Variants in DGKB observed in about 807,000 individuals in gnomAD.
DGKB encodes the protein diacylglycerol kinase beta.
In DGKB, 67 loss-of-function variants were observed where a neutral mutation model predicts 114.3. That is an observed-to-expected ratio of 0.59 (90% confidence interval 0.48 to 0.72). The LOEUF is 0.72. Ranked by LOEUF, DGKB falls within the 30% of genes least tolerant of loss-of-function variation. The pLI is 0.00. For missense variants in DGKB, 907 were observed against 975.2 expected (o/e 0.93, Z 0.93); for synonymous variants, 398 against 323.1 (o/e 1.23, Z -2.49).
At chr7:14,885,111 C>T (rs527984736) in intron 1 of DGKB, among the ~76,000 whole-genome samples, 1 of 151,916 alleles carries the variant, frequency 6.6e-6, no homozygotes, top group Admixed American at 6.6e-5. Flanking sequence ...TTTTAAGAAA[C>T]ATCTGAGCGA....
chr7:14,309,224 A>G (rs1657267463), intron 23 of DGKB, among the ~76,000 whole-genome samples: 2 of 152,128 alleles, frequency 1.3e-5, no homozygotes, highest in Admixed American at 1.3e-4. Context: ...TCAAAAGAAA[A>G]AAAAAGTAAA....
At chr7:14,959,230 A>G (rs1587459931) in intron 1 of DGKB, among the ~76,000 whole-genome samples, 1 of 152,038 alleles carries the variant, frequency 6.6e-6, no homozygotes, top group South Asian at 2.1e-4. Flanking sequence ...ACATTTATTG[A>G]TAAGTTTATT....
intron 23 of DGKB, among the ~76,000 whole-genome samples, chr7:14,231,165 A>G (rs1207313244): frequency 8.7e-6 from 1 of 114,968 alleles, no homozygotes; most frequent in African/African-American, 3.3e-5. Flanking sequence ...TTCTCTTGGT[A>G]AGGTCTCACT....
At chr7:14,429,449 T>C (rs180804588) in intron 21 of DGKB, among the ~76,000 whole-genome samples, 196 of 152,262 alleles carry the variant, frequency 1.3e-3, no homozygotes, top group Admixed American at 2.1e-3. Context: ...CTGTGAGTAA[T>C]AAATGTTTGT....
chr7:14,701,742 G>A lies in DGKB; in HGVS notation c.467-12C>T, dbSNP rs919567544. On this transcript the variant is annotated splice_polypyrimidine_tract_variant and intron_variant, in intron 6 of 25. Transcript: ENST00000402815. ...AAGGCGAAACATAACTAGAATGAAA[G>A]AGGTGTTGAAAACAAGATTATAGGC... The A allele has an allele frequency of 2.3e-5, 36 of 1,597,436 alleles. No individual in the cohort carries two copies. Among genetic ancestry groups the A allele is most frequent in the Non-Finnish European group, 3.0e-5 (35 of 1,165,352 alleles).
At chr7:14,319,151 G>T (rs191240337) in intron 23 of DGKB, among the ~76,000 whole-genome samples, 2 of 137,658 alleles carry the variant, frequency 1.5e-5, no homozygotes, top group African/African-American at 2.6e-5. Context: ...GTGAGGGGAG[G>T]GGGGAGGGAT....
chr7:14,894,270 C>A (rs1175065476), intron 1 of DGKB, among the ~76,000 whole-genome samples: 1 of 151,348 alleles, frequency 6.6e-6, no homozygotes, highest in Non-Finnish European at 1.5e-5. Flanking sequence ...TACGTATTAG[C>A]ATTCCTCAAA....
intron 2 of DGKB, among the ~76,000 whole-genome samples, chr7:14,826,941 C>G (rs972529944): frequency 1.3e-5 from 2 of 152,064 alleles, no homozygotes; most frequent in African/African-American, 2.4e-5. Context: ...TCTAAAATAG[C>G]CTAGTGAGCC....
At chr7:14,611,022 T>C in intron 16 of DGKB, among the ~76,000 whole-genome samples, 1 of 152,228 alleles carries the variant, frequency 6.6e-6, no homozygotes, top group African/African-American at 2.4e-5. Flanking sequence ...TCTTTTTCCT[T>C]ACATTGTCAT....
upstream of DGKB, among the ~76,000 whole-genome samples, chr7:14,904,979 C>T (rs558800927): frequency 6.6e-6 from 1 of 152,262 alleles, no homozygotes; most frequent in South Asian, 2.1e-4. Context: ...CTTACTATAA[C>T]TAGCAGGATC....
intron 6 of DGKB, among the ~76,000 whole-genome samples, chr7:14,704,782 C>G (rs993829547): frequency 3.9e-5 from 6 of 152,086 alleles, no homozygotes; most frequent in Admixed American, 3.9e-4. Flanking sequence ...GGAAAACTAA[C>G]AAACAGAAAG....
chr7:14,738,390 G>C (rs1525095), intron 4 of DGKB, among the ~76,000 whole-genome samples: 1 of 151,974 alleles, frequency 6.6e-6, no homozygotes, highest in East Asian at 1.9e-4. Flanking sequence ...GATGATAAGG[G>C]GCATGGTCTT....
At chr7:14,433,733 A>G (rs1291051787) in intron 21 of DGKB, among the ~76,000 whole-genome samples, 1 of 152,144 alleles carries the variant, frequency 6.6e-6, no homozygotes, top group Non-Finnish European at 1.5e-5. Flanking sequence ...AGGGTAGAGT[A>G]TTCCTTATCT....
chr7:14,310,744 C>T (rs994690775), intron 23 of DGKB, among the ~76,000 whole-genome samples: 1 of 152,146 alleles, frequency 6.6e-6, no homozygotes, highest in Non-Finnish European at 1.5e-5. Context: ...TTTCCCAGTC[C>T]TTTTCCAACA....
In DGKB at chr7:14,275,581, C is replaced by T. The variant is rs554821354; in HGVS notation, c.2122+62934G>A. On this transcript the variant is annotated intron_variant, in intron 23 of 25. Transcript: ENST00000402815. ...TGGTCATGTGTGGAACTTTTAATAG[C>T]GCCAATTCACATAGGGTCTCTGCTC... Among the ~76,000 whole-genome samples, 106 of 152,284 alleles carry T rather than the reference C, an allele frequency of 7.0e-4. 1 individual carries two copies. In the South Asian group the frequency reaches 0.022, roughly 31 times the overall value.
intron 1 of DGKB, among the ~76,000 whole-genome samples, chr7:14,901,060 G>C (rs1782969423): frequency 1.3e-5 from 2 of 152,088 alleles, no homozygotes; most frequent in African/African-American, 2.4e-5. Context: ...ATTTTACTCA[G>C]TGATTCACAA....
chr7:14,657,476 C>A (rs1442976326), intron 13 of DGKB, among the ~76,000 whole-genome samples: 4 of 151,730 alleles, frequency 2.6e-5, no homozygotes, highest in African/African-American at 9.7e-5. Context: ...TTATTGAGAG[C>A]TGACAATATG....
chr7:14,616,689 G>A (rs894951396), intron 15 of DGKB, among the ~76,000 whole-genome samples: 1 of 151,822 alleles, frequency 6.6e-6, no homozygotes, highest in Non-Finnish European at 1.5e-5. Context: ...TAGTTGATTT[G>A]TTTAAAGGAT....
chr7:14,393,156 A>AT (rs1315746623), intron 21 of DGKB, among the ~76,000 whole-genome samples: 1 of 151,402 alleles, frequency 6.6e-6, no homozygotes, highest in Non-Finnish European at 1.5e-5. Flanking sequence ...TGCCAGGCTA[A>AT]TTTTTTGTAT....
Sources: allele counts gnomAD v4.1 joint callset (sites outside exome capture counted in the v4.1 genomes callset), GRCh38; gene constraint gnomAD v4.1.1; transcripts MANE v1.5; gene names NCBI Gene and HGNC (gene_info 2026-07-23, HGNC 2026-07-21).